The following AGBL1 variants were observed in gnomAD, a reference collection of about 807,000 sequenced individuals.
AGBL1 encodes cytosolic carboxypeptidase 4.
Under a neutral mutation model 118.9 loss-of-function variants are expected in AGBL1, and 130 were observed. The ratio of observed to expected loss-of-function variants is 1.09; its 90% CI spans 0.95 to 1.26. The LOEUF (loss-of-function observed/expected upper bound fraction) is 1.26, where lower values mean the gene tolerates loss of function less well. Among genes scored for constraint, AGBL1 ranks in the 50% most tolerant of loss-of-function variants. AGBL1 has a pLI of 0.00. For missense variants in AGBL1, 1,584 were observed against 1,298.1 expected, an observed-to-expected ratio of 1.22 and a Z score of -3.38; for synonymous variants, 555 against 478.9, an observed-to-expected ratio of 1.16 and a Z score of -2.08.
chr15:86,113,279 C>T (rs1024715108), intron 1 of AGBL1, among the ~76,000 whole-genome samples: 12 of 89,034 alleles, frequency 1.3e-4, no homozygotes, highest in Admixed American at 5.8e-4. Context: ...CTTTCTTTTT[C>T]TTTCTTTCTT....
At chr15:86,678,144 C>G in intron 22 of AGBL1, among the ~76,000 whole-genome samples, 1 of 152,092 alleles carries the variant, frequency 6.6e-6, no homozygotes, top group East Asian at 1.9e-4. Context: ...CATTTAACAT[C>G]CACTCTTCTA....
intron 10 of AGBL1, 100 bp from the exon 11 acceptor site, chr15:86,264,158 T>C: frequency 9.9e-7 from 1 of 1,014,382 alleles, no homozygotes; most frequent in Non-Finnish European, 1.4e-6. Flanking sequence ...TCACAGGATT[T>C]ATGCTTAGCT....
At chr15:86,246,325 A>G (rs569900013) in intron 6 of AGBL1, among the ~76,000 whole-genome samples, 1 of 152,366 alleles carries the variant, frequency 6.6e-6, no homozygotes, top group Middle Eastern at 3.4e-3. Flanking sequence ...CTGTCGTTAC[A>G]GAGCCAGGAG....
chr15:86,926,278 C>T (rs777755068), intron 23 of AGBL1, among the ~76,000 whole-genome samples: 6 of 152,154 alleles, frequency 3.9e-5, no homozygotes, highest in East Asian at 1.9e-4. Context: ...GACTTTACTT[C>T]GTCTTACATT....
intron 5 of AGBL1, among the ~76,000 whole-genome samples, chr15:86,214,669 GATTCCCAAAAGCTTTTGTCT>G (rs2078155916): frequency 6.6e-6 from 1 of 152,208 alleles, no homozygotes; most frequent in Admixed American, 6.5e-5. Flanking sequence ...CAGTGCTGGG[GATTCCCAAAAGCTTTTGTCT>G]GAGCCCTTGT....
At chr15:86,975,777 C>T (rs1280307869) in intron 23 of AGBL1, among the ~76,000 whole-genome samples, 1 of 152,154 alleles carries the variant, frequency 6.6e-6, no homozygotes, top group Admixed American at 6.5e-5. Flanking sequence ...GGAAAGCATC[C>T]TCTGGGTCTT....
At chr15:86,495,494 C>G (rs2082838955) in intron 18 of AGBL1, among the ~76,000 whole-genome samples, 1 of 149,958 alleles carries the variant, frequency 6.7e-6, no homozygotes. Context: ...GCATTATTTT[C>G]TTATATTTCT....
At chr15:86,517,076 C>A (rs1408798067) in intron 18 of AGBL1, among the ~76,000 whole-genome samples, 1 of 152,164 alleles carries the variant, frequency 6.6e-6, no homozygotes, top group East Asian at 1.9e-4. Flanking sequence ...AAGAGACTAA[C>A]ACAACAGTGG....
intron 17 of AGBL1, among the ~76,000 whole-genome samples, chr15:86,322,386 C>G (rs536957124): frequency 1.3e-4 from 19 of 151,936 alleles, no homozygotes; most frequent in Non-Finnish European, 1.5e-5. Flanking sequence ...TTAATTGTAA[C>G]ATTGATCATT....
At position 86,256,776 on chromosome 15, in the gene AGBL1, A is replaced by G. The variant is rs114182608; in HGVS notation, c.736-77A>G. ...GAGACTGTGCTGTGTTACAGCTTGGAGAGTGTTATTAGCTGTGTTACAGCT... is the reference window on the plus strand; with the variant it reads ...GAGACTGTGCTGTGTTACAGCTTGGGGAGTGTTATTAGCTGTGTTACAGCT... On this transcript the variant is annotated intron_variant, in intron 7 of 22. Transcript: ENST00000614907. The G allele has an allele frequency of 3.7e-3, 5,403 of 1,460,730 alleles. 151 individuals are homozygous for G. In the African/African-American group the frequency reaches 0.062, roughly 17 times the overall value. The allele number at this position is 1,460,730 out of a possible 1,614,324, so 90.5% of individuals were successfully genotyped here.
intron 10 of AGBL1, among the ~76,000 whole-genome samples, 174 bp from the exon 11 acceptor site, chr15:86,264,084 A>T (rs145175776): frequency 6.6e-6 from 1 of 152,236 alleles, no homozygotes; most frequent in African/African-American, 2.4e-5. Flanking sequence ...AGTTTCTATG[A>T]TTCTGTCATT....
chr15:86,106,596 C>A (rs1897067018), intron 1 of AGBL1, among the ~76,000 whole-genome samples: 1 of 152,228 alleles, frequency 6.6e-6, no homozygotes, highest in Admixed American at 6.5e-5. Context: ...TCCTACTCTG[C>A]TGATTGTCTT....
At chr15:86,343,128 C>A (rs1255446359) in intron 17 of AGBL1, among the ~76,000 whole-genome samples, 6 of 152,136 alleles carry the variant, frequency 3.9e-5, no homozygotes, top group African/African-American at 1.4e-4. Flanking sequence ...TCCCCAGTAT[C>A]CCATATCTAT....
intron 22 of AGBL1, among the ~76,000 whole-genome samples, chr15:86,850,500 C>T (rs140083488): frequency 6.6e-6 from 1 of 152,218 alleles, no homozygotes; most frequent in Admixed American, 6.5e-5. Flanking sequence ...GGGTGCCCCA[C>T]TGCGCCCACA....
At chr15:86,696,821 T>A (rs926099902) in intron 22 of AGBL1, among the ~76,000 whole-genome samples, 1 of 152,016 alleles carries the variant, frequency 6.6e-6, no homozygotes, top group African/African-American at 2.4e-5. Flanking sequence ...AGCATTTGTT[T>A]GTCTGGAAAA....
intron 22 of AGBL1, among the ~76,000 whole-genome samples, chr15:86,688,076 G>A (rs2086094255): frequency 6.6e-6 from 1 of 152,128 alleles, no homozygotes; most frequent in Non-Finnish European, 1.5e-5. Flanking sequence ...TTAAAAAGTT[G>A]GAATTTATAA....
intron 1 of AGBL1, among the ~76,000 whole-genome samples, chr15:86,110,126 A>G (rs1346106710): frequency 1.2e-4 from 18 of 152,248 alleles, no homozygotes; most frequent in Admixed American, 1.2e-3. Flanking sequence ...CCAAAGCTTT[A>G]GCTGCGTAAG....
At chr15:86,420,992 C>T (rs1163330201) in intron 18 of AGBL1, among the ~76,000 whole-genome samples, 1 of 152,082 alleles carries the variant, frequency 6.6e-6, no homozygotes. Flanking sequence ...GATTGGTGTA[C>T]CTGAAAGTGA....
rs553945776 is a variant in AGBL1, at chr15:86,899,098, T to C, written c.3159-7989T>C. On this transcript the variant is annotated intron_variant, in intron 22 of 22. Transcript: ENST00000614907. ...AAAGACACATGCACACGAATGTTTA[T>C]TGCAGCACGATACACAATAGCAAAG... is the stretch of plus-strand genomic sequence containing the variant. Among the ~76,000 whole-genome samples the C allele has an allele frequency of 7.2e-5, 11 of 152,292 alleles. No individual in the cohort carries two copies. In the East Asian group the frequency reaches 1.7e-3, roughly 24 times the overall value.
Sources: allele counts gnomAD v4.1 joint callset (sites outside exome capture counted in the v4.1 genomes callset), GRCh38; gene constraint gnomAD v4.1.1; transcripts MANE v1.5; gene names NCBI Gene and HGNC (gene_info 2026-07-23, HGNC 2026-07-21).